RBFOX1: variants seen among roughly 807,000 people sequenced by gnomAD.
The protein encoded by RBFOX1 is RNA binding fox-1 homolog 1, also known as RNA binding protein fox-1 homolog 1.
A neutral mutation model predicts 57.7 loss-of-function variants in RBFOX1; 8 were observed. The observed-to-expected ratio is 0.14, with a 90% CI of 0.08 to 0.25. The LOEUF (loss-of-function observed/expected upper bound fraction) is 0.25, where lower values mean the gene tolerates loss of function less well. Ranked by LOEUF, RBFOX1 falls within the 10% of genes least tolerant of loss-of-function variation. RBFOX1 has a pLI of 1.00. For missense variants in RBFOX1, 611 were observed against 548.5 expected, an observed-to-expected ratio of 1.11 and a Z score of -1.14; for synonymous variants, 326 against 222.4, an observed-to-expected ratio of 1.47 and a Z score of -4.15.
At chr16:5,346,638 C>T (rs896391697) in intron 1 of RBFOX1, among the ~76,000 whole-genome samples, 1 of 152,216 alleles carries the variant, frequency 6.6e-6, no homozygotes, top group African/African-American at 2.4e-5. Flanking sequence ...TGGGAATTTT[C>T]AGTGCAATAC....
At chr16:5,473,065 C>T (rs774805508) in intron 2 of RBFOX1, among the ~76,000 whole-genome samples, 12 of 152,234 alleles carry the variant, frequency 7.9e-5, no homozygotes, top group African/African-American at 2.4e-4. Context: ...TGATGTCCCT[C>T]CTCCCGAGGA....
intron 1 of RBFOX1, among the ~76,000 whole-genome samples, chr16:5,350,354 T>C (rs1348276148): frequency 3.9e-5 from 6 of 152,172 alleles, no homozygotes; most frequent in Non-Finnish European, 7.3e-5. Flanking sequence ...GTGGGGATGT[T>C]CTGGGAAACG....
At chr16:5,334,139 TGGA>T (rs1460011748) in intron 1 of RBFOX1, among the ~76,000 whole-genome samples, 5 of 152,084 alleles carry the variant, frequency 3.3e-5, no homozygotes, top group Non-Finnish European at 5.9e-5. Context: ...AATGTTTGTG[TGGA>T]GGAGAAGTTT....
intron 1 of RBFOX1, among the ~76,000 whole-genome samples, chr16:5,321,341 A>G (rs1443415141): frequency 6.8e-6 from 1 of 147,738 alleles, no homozygotes; most frequent in Non-Finnish European, 1.5e-5. Flanking sequence ...TTTTTTTGAG[A>G]TGGAGTCTCG....
chr16:6,582,629 C>G (rs1187174639), intron 2 of RBFOX1, among the ~76,000 whole-genome samples: 1 of 151,984 alleles, frequency 6.6e-6, no homozygotes, highest in Non-Finnish European at 1.5e-5. Flanking sequence ...TCCAAGAGGT[C>G]AAATAAAATA....
intron 3 of RBFOX1, among the ~76,000 whole-genome samples, chr16:5,692,413 T>C (rs1403471247): frequency 6.6e-6 from 1 of 151,460 alleles, no homozygotes; most frequent in African/African-American, 2.4e-5. Flanking sequence ...AAAAGATGAG[T>C]TCTGCTAACC....
chr16:6,678,435 A>C (rs2058100010), intron 3 of RBFOX1, among the ~76,000 whole-genome samples: 1 of 151,834 alleles, frequency 6.6e-6, no homozygotes, highest in Non-Finnish European at 1.5e-5. Context: ...AAAGTTATTT[A>C]TGATATATAA....
chr16:7,536,409 A>T (rs2081479878), intron 5 of RBFOX1, among the ~76,000 whole-genome samples: 1 of 152,036 alleles, frequency 6.6e-6, no homozygotes, highest in Admixed American at 6.6e-5. Context: ...GCCTGGCCAA[A>T]ATGGTAAAAC....
intron 3 of RBFOX1, among the ~76,000 whole-genome samples, chr16:5,714,951 G>A (rs1322499696): frequency 6.6e-6 from 1 of 152,182 alleles, no homozygotes; most frequent in African/African-American, 2.4e-5. Context: ...GGATGAATGA[G>A]TAACTATACT....
intron 3 of RBFOX1, among the ~76,000 whole-genome samples, chr16:6,995,920 A>T (rs890491716): frequency 9.9e-5 from 15 of 152,210 alleles, no homozygotes; most frequent in Admixed American, 5.9e-4. Context: ...GAAAGCATAT[A>T]TAGGAAAAAA....
intron 4 of RBFOX1, among the ~76,000 whole-genome samples, chr16:5,963,215 A>T (rs979798333): frequency 6.6e-6 from 1 of 152,316 alleles, no homozygotes; most frequent in East Asian, 1.9e-4. Flanking sequence ...ATCAAACCCC[A>T]AACCTGAATA....
intron 4 of RBFOX1, among the ~76,000 whole-genome samples, chr16:7,074,901 C>T (rs1028940947): frequency 6.6e-6 from 1 of 152,094 alleles, no homozygotes; most frequent in Non-Finnish European, 1.5e-5. Flanking sequence ...AAGCCATCCC[C>T]CAGTGAGACA....
chr16:6,655,372 T>TTAAAAAAAAAAAAA (rs2098641136), intron 3 of RBFOX1, among the ~76,000 whole-genome samples: 2 of 17,104 alleles, frequency 1.2e-4, no homozygotes, highest in African/African-American at 3.4e-4. Flanking sequence ...AGCCTCCGTT[T>TTAAAAAAAAAAAAA]CAAAAAAAAA....
chr16:6,847,939 C>A (rs763646671), intron 3 of RBFOX1, among the ~76,000 whole-genome samples: 1 of 151,996 alleles, frequency 6.6e-6, no homozygotes, highest in Non-Finnish European at 1.5e-5. Context: ...AAGCAATTAT[C>A]CTGCCTCAGC....
At chr16:6,662,178 C>T (rs973287495) in intron 3 of RBFOX1, among the ~76,000 whole-genome samples, 34 of 151,934 alleles carry the variant, frequency 2.2e-4, no homozygotes, top group African/African-American at 7.7e-4. Context: ...TACAAACCCT[C>T]ATCATCAGAT....
chr16:6,621,922 G>A (rs190551787), intron 2 of RBFOX1, among the ~76,000 whole-genome samples: 7 of 152,142 alleles, frequency 4.6e-5, no homozygotes, highest in Non-Finnish European at 1.5e-5. Flanking sequence ...TAACTGAAGA[G>A]CTAAGAGAGA....
intron 4 of RBFOX1, among the ~76,000 whole-genome samples, chr16:5,964,759 GTATA>G (rs146848508): frequency 4.0e-5 from 6 of 149,320 alleles, no homozygotes; most frequent in African/African-American, 7.4e-5. Flanking sequence ...GTGTGTATAT[GTATA>G]TATATATATA....
chr16:7,259,549 A>G (rs2094834187), intron 4 of RBFOX1, among the ~76,000 whole-genome samples: 1 of 151,580 alleles, frequency 6.6e-6, no homozygotes, highest in Non-Finnish European at 1.5e-5. Flanking sequence ...GATAGTCAGT[A>G]TAAATCTCCA....
intron 2 of RBFOX1, among the ~76,000 whole-genome samples, chr16:6,396,065 CAAAA>C (rs1165644198): frequency 1.6e-5 from 1 of 61,472 alleles, no homozygotes; most frequent in African/African-American, 6.0e-5. Context: ...GACTCCTTCT[CAAAA>C]AAAAAAAAAA....
Sources: gnomAD v4.1 joint callset for allele counts (sites outside exome capture counted in the v4.1 genomes callset) on GRCh38, gnomAD v4.1.1 for gene constraint, MANE v1.5 for transcripts, NCBI Gene and HGNC (gene_info 2026-07-23, HGNC 2026-07-21) for gene names.